PARVA: variants seen among roughly 807,000 people sequenced by gnomAD.
PARVA encodes alpha-parvin.
A neutral mutation model predicts 52.6 loss-of-function variants in PARVA; 25 were observed. That is an observed-to-expected ratio of 0.48 (90% CI 0.35 to 0.66). The LOEUF (loss-of-function observed/expected upper bound fraction) is 0.66. Among genes scored for constraint, PARVA ranks in the 30% least tolerant of loss-of-function variants. The pLI, the probability that PARVA is intolerant of heterozygous loss-of-function variation, is 0.01. For synonymous variants in PARVA, 185 were observed against 179.1 expected (o/e 1.03, Z -0.26); for missense variants, 373 against 450.9 (o/e 0.83, Z 1.56).
At chr11:12,457,976 ACTGGGGTCATGTGTGACTGTGAGCTC>A (rs1407157075) in intron 1 of PARVA, among the ~76,000 whole-genome samples, 1 of 152,168 alleles carries the variant, frequency 6.6e-6, no homozygotes, top group Non-Finnish European at 1.5e-5. Flanking sequence ...GCCCACTGAG[ACTGGGGTCATGTGTGACTGTGAGCTC>A]CTGGGGCCAG....
chr11:12,488,632 G>A (rs573918832), intron 4 of PARVA, among the ~76,000 whole-genome samples: 3 of 152,278 alleles, frequency 2.0e-5, no homozygotes, highest in South Asian at 4.1e-4. Context: ...TTGTCCCACA[G>A]AAAGAGGCAA....
intron 1 of PARVA, among the ~76,000 whole-genome samples, chr11:12,462,284 T>C (rs551241205): frequency 3.3e-5 from 5 of 152,308 alleles, no homozygotes; most frequent in African/African-American, 1.2e-4. Context: ...AATCAGCTGA[T>C]CCTAAAATAG....
At chr11:12,383,824 T>C (rs932489646) in intron 1 of PARVA, among the ~76,000 whole-genome samples, 3 of 152,204 alleles carry the variant, frequency 2.0e-5, no homozygotes, top group African/African-American at 7.2e-5. Flanking sequence ...AAGTTTCTAA[T>C]ACATTTATTT....
intron 1 of PARVA, among the ~76,000 whole-genome samples, chr11:12,382,381 CTTTT>C (rs546439424): frequency 7.8e-6 from 1 of 128,330 alleles, no homozygotes; most frequent in African/African-American, 2.7e-5. Context: ...GTAACTTTTT[CTTTT>C]TTTTTTTTTT....
intron 8 of PARVA, among the ~76,000 whole-genome samples, chr11:12,512,021 A>G (rs989593674): frequency 3.9e-5 from 6 of 152,206 alleles, no homozygotes; most frequent in Admixed American, 2.0e-4. Context: ...AGCATTTACT[A>G]TGTCCTAGGA....
At chr11:12,437,333 G>A (rs1940399905) in intron 1 of PARVA, among the ~76,000 whole-genome samples, 1 of 152,128 alleles carries the variant, frequency 6.6e-6, no homozygotes, top group Non-Finnish European at 1.5e-5. Flanking sequence ...CCCAACTCCT[G>A]GGTCCCTCCT....
At chr11:12,404,972 T>C (rs1939880471) in intron 1 of PARVA, among the ~76,000 whole-genome samples, 1 of 152,198 alleles carries the variant, frequency 6.6e-6, no homozygotes. Context: ...TTTTACAGTT[T>C]ACAAAGGTGG....
chr11:12,506,708 G>C (rs1941435242), intron 6 of PARVA, among the ~76,000 whole-genome samples: 1 of 152,202 alleles, frequency 6.6e-6, no homozygotes, highest in South Asian at 2.1e-4. Context: ...ATGCACATCA[G>C]GTTTTATGGG....
intron 8 of PARVA, chr11:12,513,078 T>C (rs1470179056): frequency 1.5e-6 from 1 of 681,872 alleles, no homozygotes; most frequent in African/African-American, 1.8e-5. Context: ...TCCAATAATG[T>C]ACACATGCAC....
chr11:12,474,156 T>G (rs1255887719), intron 3 of PARVA, among the ~76,000 whole-genome samples, 173 bp downstream of exon 3: 1 of 152,042 alleles, frequency 6.6e-6, no homozygotes, highest in Non-Finnish European at 1.5e-5. Flanking sequence ...CGTAACCGAT[T>G]GTTTAAGTGT....
intron 10 of PARVA, among the ~76,000 whole-genome samples, chr11:12,514,540 T>A (rs1251216017): frequency 6.6e-6 from 1 of 152,220 alleles, no homozygotes; most frequent in Non-Finnish European, 1.5e-5. Flanking sequence ...CAGGCTGGAG[T>A]GCAGTGGCAA....
chr11:12,431,279 T>C (rs1445782607), intron 1 of PARVA, among the ~76,000 whole-genome samples: 2 of 152,198 alleles, frequency 1.3e-5, no homozygotes, highest in East Asian at 3.9e-4. Flanking sequence ...GACTGGATAG[T>C]GCCTGGATGT....
At chr11:12,521,910 G>A (rs952481366) in intron 12 of PARVA, among the ~76,000 whole-genome samples, 3 of 152,140 alleles carry the variant, frequency 2.0e-5, no homozygotes, top group East Asian at 1.9e-4. Context: ...CAAGTGTAAC[G>A]ATCTCCATTT....
At chr11:12,420,066 A>C (rs922412907) in intron 1 of PARVA, among the ~76,000 whole-genome samples, 9 of 152,332 alleles carry the variant, frequency 5.9e-5, no homozygotes, top group East Asian at 3.9e-4. Flanking sequence ...AGTTCTCAAA[A>C]TGCATTCCTT....
At chr11:12,456,924 G>A (rs1940705335) in intron 1 of PARVA, among the ~76,000 whole-genome samples, 1 of 152,212 alleles carries the variant, frequency 6.6e-6, no homozygotes, top group African/African-American at 2.4e-5. Flanking sequence ...TTAAATGAAT[G>A]AGTCTGTACC....
intron 1 of PARVA, among the ~76,000 whole-genome samples, chr11:12,385,504 C>T (rs1352754624): frequency 6.6e-6 from 1 of 152,044 alleles, no homozygotes; most frequent in Non-Finnish European, 1.5e-5. Context: ...AAGATGACCC[C>T]AAAGGTTTTG....
At chr11:12,401,778 T>C (rs1939831544) in intron 1 of PARVA, among the ~76,000 whole-genome samples, 1 of 152,162 alleles carries the variant, frequency 6.6e-6, no homozygotes, top group Non-Finnish European at 1.5e-5. Context: ...TTTAAAATAA[T>C]CAAGACAGCC....
rs571849062 is a variant in PARVA, at chr11:12,523,273, C to T, written c.1043-4576C>T. On this transcript the variant is annotated intron_variant, in intron 12 of 12. Coordinates refer to ENST00000334956, the MANE Select transcript of PARVA (RefSeq NM_018222.5). The stretch of plus-strand genomic sequence containing the variant: ...GATGCGAGACAGGATGAGATAGAGG[C>T]GCAGGGAGGTCGGCTGGGGGCTAGA... 8.5e-5 allele frequency among the ~76,000 whole-genome samples: 13 copies of T among 152,196 alleles called. No homozygotes were observed. In the East Asian group the frequency reaches 1.2e-3, roughly 14 times the overall value.
intron 1 of PARVA, among the ~76,000 whole-genome samples, chr11:12,443,759 C>A (rs1239763763): frequency 1.3e-5 from 2 of 152,014 alleles, no homozygotes; most frequent in African/African-American, 4.8e-5. Flanking sequence ...TTTTGTTTTC[C>A]CTTGCCTGTA....
Sources: gnomAD v4.1 joint callset for allele counts (sites outside exome capture counted in the v4.1 genomes callset) on GRCh38, gnomAD v4.1.1 for gene constraint, MANE v1.5 for transcripts, NCBI Gene and HGNC (gene_info 2026-07-23, HGNC 2026-07-21) for gene names.